The following CHD7 variants were observed in gnomAD, a reference collection of about 807,000 sequenced individuals.
CHD7 encodes the protein ATP-dependent chromatin remodeler CHD7.
CHD7 carries 24 observed loss-of-function variants against 307.3 expected under a neutral mutation model. The ratio of observed to expected loss-of-function variants is 0.08; its 90% CI spans 0.06 to 0.11. The LOEUF is 0.11. Ranked by LOEUF, CHD7 falls within the 10% of genes least tolerant of loss-of-function variation. CHD7 has a pLI of 1.00. For missense variants in CHD7, 3,106 were observed against 3,727.1 expected (o/e 0.83, Z 4.34); for synonymous variants, 1,363 against 1,349.9 (o/e 1.01, Z -0.21).
intron 34 of CHD7, 87 bp from the exon 35 acceptor site, chr8:60,860,817 A>G (rs1805934547): frequency 4.2e-6 from 4 of 957,394 alleles, no homozygotes; most frequent in Non-Finnish European, 6.4e-6. Flanking sequence ...TAAAAGATCC[A>G]TTCTAGGATA....
intron 7 of CHD7, among the ~76,000 whole-genome samples, chr8:60,815,334 A>G (rs182126623): frequency 2.0e-5 from 3 of 152,268 alleles, no homozygotes; most frequent in Admixed American, 2.0e-4. Flanking sequence ...TGTGAACTAA[A>G]GCACAATTTC....
At chr8:60,796,391 A>G (rs1812035769) in intron 4 of CHD7, among the ~76,000 whole-genome samples, 1 of 152,124 alleles carries the variant, frequency 6.6e-6, no homozygotes, top group South Asian at 2.1e-4. Context: ...AAGTGTTTTA[A>G]TGATTTTGAG....
intron 17 of CHD7, 116 bp downstream of exon 17, chr8:60,837,128 T>C: frequency 1.2e-6 from 1 of 805,140 alleles, no homozygotes; most frequent in Non-Finnish European, 1.9e-6. Flanking sequence ...GGCTGTGTCC[T>C]ATGATTCAGA....
At chr8:60,688,500 A>G (rs1185683896) in intron 1 of CHD7, among the ~76,000 whole-genome samples, 2 of 152,182 alleles carry the variant, frequency 1.3e-5, no homozygotes, top group Non-Finnish European at 2.9e-5. Context: ...CACAATTTTC[A>G]TTTTTCTTCA....
rs572628253 is a variant in CHD7, at chr8:60,761,197, A to G, written c.1665+18100A>G. Among the ~76,000 whole-genome samples, 7 of 151,858 alleles carry G rather than the reference A, an allele frequency of 4.6e-5. No homozygotes were observed. In the East Asian group the frequency reaches 1.2e-3, roughly 25 times the overall value. On this transcript the variant is annotated intron_variant, in intron 2 of 37. Transcript: ENST00000423902. Reference sequence around the variant, plus strand: ...ATGAGTTCATGTCCTTTGTAGGGACATGGATGAAATTGGAAATCATCATTC... The same window carrying G: ...ATGAGTTCATGTCCTTTGTAGGGACGTGGATGAAATTGGAAATCATCATTC...
chr8:60,835,962 A>G, intron 15 of CHD7, 111 bp from the exon 16 acceptor site: 1 of 722,696 alleles, frequency 1.4e-6, no homozygotes, highest in Admixed American at 2.4e-5. Flanking sequence ...CATAAGCAGG[A>G]GTTTGGTGTT....
At chr8:60,845,150 T>TA (rs1476471292) in intron 22 of CHD7, 87 bp downstream of exon 22, 1 of 1,576,390 alleles carries the variant, frequency 6.3e-7, no homozygotes, top group East Asian at 2.2e-5. Context: ...AGATGTGACA[T>TA]AAACCCCATA....
chr8:60,828,391 G>A (rs952794804), intron 13 of CHD7, among the ~76,000 whole-genome samples: 2 of 152,150 alleles, frequency 1.3e-5, no homozygotes, highest in African/African-American at 2.4e-5. Context: ...TTAAAAAGCC[G>A]TGATACTAAA....
chr8:60,798,666 CTTTAAAAA>C (rs1456329308), intron 4 of CHD7, among the ~76,000 whole-genome samples: 2 of 152,106 alleles, frequency 1.3e-5, no homozygotes, highest in Non-Finnish European at 2.9e-5. Flanking sequence ...TCTTGAGACT[CTTTAAAAA>C]GTGTTATTTC....
At position 60,866,454 on chromosome 8, in the gene CHD7, C is replaced by T. The variant is rs937393748; in HGVS notation, c.*521C>T. The stretch of plus-strand genomic sequence containing the variant: ...ATACACACACATCCATACACTCTGA[C>T]AATCTCCACGCTAGTGTGAACGCCT... On this transcript the variant is annotated 3_prime_UTR_variant, in exon 38 of 38. Coordinates refer to ENST00000423902, the MANE Select transcript of CHD7 (RefSeq NM_017780.4). The T allele has an allele frequency of 2.0e-5, 3 of 152,664 alleles. No homozygotes were observed. The highest frequency in any genetic ancestry group is 7.2e-5 in the African/African-American group (3 of 41,432). The allele number at this position is 152,664 out of a possible 1,614,324, so 9.5% of individuals were successfully genotyped here. A position where few individuals can be genotyped will look rare whatever the true frequency, so the allele number is the denominator to read the frequency against.
At chr8:60,773,233 A>C (rs1004810309) in intron 2 of CHD7, among the ~76,000 whole-genome samples, 2 of 152,188 alleles carry the variant, frequency 1.3e-5, no homozygotes, top group Non-Finnish European at 2.9e-5. Flanking sequence ...ATTGTGTTGC[A>C]TTTGTGGTGG....
intron 13 of CHD7, among the ~76,000 whole-genome samples, chr8:60,825,893 G>T (rs912125709): frequency 2.0e-5 from 3 of 151,654 alleles, no homozygotes; most frequent in African/African-American, 7.3e-5. Context: ...GAATGTGCAG[G>T]TTTGTTACAT....
Position 60,741,933 on chromosome 8 carries a change from G to C in CHD7, c.501G>C (p.Pro167=). The change falls in exon 2 of 38, where the codon CCG becomes CCC. Residue 167 remains proline (P), a synonymous_variant. Coordinates refer to ENST00000423902, the MANE Select transcript of CHD7 (RefSeq NM_017780.4). ...RAPYQQQQPQ[P]QPPQPAPSGP... ...CCTACCAGCAGCAGCAGCCACAGCCGCAGCCACCGCAGCCGGCTCCGTCGG... is the reference window on the plus strand; with the variant it reads ...CCTACCAGCAGCAGCAGCCACAGCCCCAGCCACCGCAGCCGGCTCCGTCGG... The C allele has an allele frequency of 6.2e-7, 1 of 1,612,834 alleles. No individual in the cohort carries two copies. The highest frequency in any genetic ancestry group is 8.5e-7 in the Non-Finnish European group (1 of 1,179,544).
chr8:60,693,041 T>C (rs780446141), intron 1 of CHD7, among the ~76,000 whole-genome samples: 4 of 152,188 alleles, frequency 2.6e-5, no homozygotes, highest in South Asian at 2.1e-4. Flanking sequence ...GCCCAGCCCT[T>C]TCTCTTGAAC....
intron 1 of CHD7, among the ~76,000 whole-genome samples, chr8:60,723,228 A>T (rs528418949): frequency 6.6e-6 from 1 of 152,124 alleles, no homozygotes; most frequent in South Asian, 2.1e-4. Context: ...TTTTATTCGA[A>T]TACTTATTTT....
intron 2 of CHD7, among the ~76,000 whole-genome samples, chr8:60,743,879 C>G (rs1809186722): frequency 6.6e-6 from 1 of 152,160 alleles, no homozygotes; most frequent in African/African-American, 2.4e-5. Flanking sequence ...TAGTGCTATT[C>G]AAAAATATAT....
chr8:60,719,444 C>CT (rs367763228), intron 1 of CHD7, among the ~76,000 whole-genome samples: 6 of 151,928 alleles, frequency 3.9e-5, no homozygotes, highest in South Asian at 2.1e-4. Context: ...GGTTTATAAA[C>CT]TTTTTTTTCA....
At chr8:60,743,820 C>T (rs1238960096) in intron 2 of CHD7, among the ~76,000 whole-genome samples, 2 of 152,092 alleles carry the variant, frequency 1.3e-5, no homozygotes, top group Non-Finnish European at 2.9e-5. Flanking sequence ...GTTGTTTATG[C>T]CCTAGGTCTG....
chr8:60,771,880 A>G (rs1269787124), intron 2 of CHD7, among the ~76,000 whole-genome samples: 1 of 152,130 alleles, frequency 6.6e-6, no homozygotes, highest in East Asian at 1.9e-4. Flanking sequence ...AAGGGTCCCC[A>G]CCCTCTTTAA....
Sources: gnomAD v4.1 joint callset for allele counts (sites outside exome capture counted in the v4.1 genomes callset) on GRCh38, gnomAD v4.1.1 for gene constraint, MANE v1.5 for transcripts, NCBI Gene and HGNC (gene_info 2026-07-23, HGNC 2026-07-21) for gene names.